The following SNTG1 variants were observed in gnomAD, a reference collection of about 807,000 sequenced individuals.
The protein encoded by SNTG1 is gamma-1-syntrophin.
A neutral mutation model predicts 74.7 loss-of-function variants in SNTG1; 39 were observed. The observed-to-expected ratio is 0.52, with a 90% CI of 0.40 to 0.68. The LOEUF (loss-of-function observed/expected upper bound fraction) is 0.68, where lower values mean the gene tolerates loss of function less well. Among genes scored for constraint, SNTG1 ranks in the 30% least tolerant of loss-of-function variants. The pLI, the probability that SNTG1 is intolerant of heterozygous loss-of-function variation, is 0.00. For synonymous variants in SNTG1, 254 were observed against 217.1 expected (o/e 1.17, Z -1.49); for missense variants, 685 against 609.5 (o/e 1.12, Z -1.30).
chr8:50,494,672 A>G (rs2625740), intron 8 of SNTG1, among the ~76,000 whole-genome samples: 89,155 of 151,958 alleles, frequency 0.59, 30,951 homozygotes, highest in Non-Finnish European at 0.77. Context: ...AAATGCTGAA[A>G]TAGTGTTTCC....
chr8:50,573,885 G>A (rs1245763710), intron 12 of SNTG1, among the ~76,000 whole-genome samples: 2 of 151,614 alleles, frequency 1.3e-5, no homozygotes, highest in East Asian at 1.9e-4. Flanking sequence ...TTAAATGTAA[G>A]GTTTCATTAA....
intron 8 of SNTG1, among the ~76,000 whole-genome samples, chr8:50,453,024 T>C (rs555680447): frequency 6.6e-6 from 1 of 152,304 alleles, no homozygotes; most frequent in East Asian, 1.9e-4. Context: ...CAGAAACAAA[T>C]TGGGCAGGTA....
chr8:50,172,011 G>C (rs2082824754), intron 1 of SNTG1, among the ~76,000 whole-genome samples: 1 of 152,166 alleles, frequency 6.6e-6, no homozygotes, highest in African/African-American at 2.4e-5. Context: ...AATGACAAAG[G>C]CAGAAGCACC....
intron 17 of SNTG1, among the ~76,000 whole-genome samples, chr8:50,731,268 G>A (rs775561782): frequency 6.6e-6 from 1 of 152,066 alleles, no homozygotes; most frequent in Non-Finnish European, 1.5e-5. Context: ...ATAAACAGGA[G>A]AGAGTGGTTT....
In SNTG1 at chr8:50,676,213, T is replaced by C. The variant is rs1008805703; in HGVS notation, c.1038+17550T>C. Among the ~76,000 whole-genome samples, 8 of 152,186 alleles carry C rather than the reference T, an allele frequency of 5.3e-5. No individual in the cohort carries two copies. The Middle Eastern group carries it at 0.01, about 194-fold the overall frequency. ...ATTGGGGAAGTTCTCCTGGATATTA[T>C]CTTGAAGTGTGTTTTTCAGCTTGTT... On this transcript the variant is annotated intron_variant, in intron 15 of 18. Transcript: ENST00000642720.
intron 1 of SNTG1, among the ~76,000 whole-genome samples, chr8:50,003,043 T>C (rs559422638): frequency 2.0e-4 from 31 of 152,244 alleles, no homozygotes; most frequent in Non-Finnish European, 3.7e-4. Context: ...GTGTGAAGAA[T>C]AGGCAAATCT....
intron 1 of SNTG1, among the ~76,000 whole-genome samples, chr8:49,953,816 G>T (rs372474503): frequency 6.6e-6 from 1 of 151,998 alleles, no homozygotes; most frequent in South Asian, 2.1e-4. Context: ...TGCAGATTCC[G>T]TTTGCTTATT....
At chr8:50,707,206 A>G (rs1429186545) in intron 16 of SNTG1, among the ~76,000 whole-genome samples, 1 of 152,092 alleles carries the variant, frequency 6.6e-6, no homozygotes, top group Non-Finnish European at 1.5e-5. Context: ...TAATAAAAAA[A>G]TTTTAATACA....
chr8:50,684,749 T>TA (rs1554610800), intron 15 of SNTG1, among the ~76,000 whole-genome samples: 4 of 151,264 alleles, frequency 2.6e-5, no homozygotes, highest in African/African-American at 7.3e-5. Context: ...TCTTTTTTTT[T>TA]ATTATACTTT....
intron 2 of SNTG1, among the ~76,000 whole-genome samples, chr8:50,313,480 G>GA (rs1291313656): frequency 1.3e-5 from 2 of 149,396 alleles, no homozygotes; most frequent in African/African-American, 5.0e-5. Context: ...ACAATCCTGT[G>GA]AAAAAATGGG....
intron 12 of SNTG1, among the ~76,000 whole-genome samples, chr8:50,588,047 G>A (rs1322312257): frequency 2.6e-5 from 4 of 151,508 alleles, no homozygotes; most frequent in Admixed American, 1.3e-4. Context: ...TTGAACCCAG[G>A]AAACGGAGGC....
At chr8:50,026,203 A>G (rs907241146) in intron 1 of SNTG1, among the ~76,000 whole-genome samples, 1 of 152,218 alleles carries the variant, frequency 6.6e-6, no homozygotes, top group Admixed American at 6.5e-5. Context: ...GATTGAGTCC[A>G]TGTATACCTT....
chr8:50,484,882 A>C (rs892653228), intron 8 of SNTG1, among the ~76,000 whole-genome samples: 2 of 152,012 alleles, frequency 1.3e-5, no homozygotes, highest in Admixed American at 1.3e-4. Context: ...AAAAAAGAAA[A>C]GAAAAAGAAA....
chr8:50,674,304 C>A (rs2095299641), intron 15 of SNTG1, among the ~76,000 whole-genome samples: 1 of 152,008 alleles, frequency 6.6e-6, no homozygotes, highest in East Asian at 1.9e-4. Context: ...TTCCCTGGTC[C>A]TGGGCTTTTT....
chr8:49,971,087 T>A (rs867290523), intron 1 of SNTG1, among the ~76,000 whole-genome samples: 6 of 152,228 alleles, frequency 3.9e-5, no homozygotes, highest in Middle Eastern at 3.4e-3. Flanking sequence ...TTTAGACCAA[T>A]ATCCCTGATG....
chr8:50,151,063 C>G (rs1290948375), intron 1 of SNTG1, among the ~76,000 whole-genome samples: 3 of 152,096 alleles, frequency 2.0e-5, no homozygotes, highest in Non-Finnish European at 4.4e-5. Context: ...GGTTGGTAGA[C>G]TATTAATTAT....
At position 50,030,023 on chromosome 8, in the gene SNTG1, G is replaced by A. The variant is rs547880650; in HGVS notation, c.-103+117792G>A. ...TCACCAGCATTTTTTATTGCTTACC[G>A]TTTAGATAAAAGCCATTTTTACTGG... On this transcript the variant is annotated intron_variant, in intron 1 of 18. Coordinates refer to ENST00000642720, the MANE Select transcript of SNTG1 (RefSeq NM_018967.5). Among the ~76,000 whole-genome samples, 23 of 151,942 alleles carry A rather than the reference G, an allele frequency of 1.5e-4. 1 individual carries two copies. The highest frequency in any genetic ancestry group is 4.3e-4 in the African/African-American group (18 of 41,464).
At chr8:50,380,400 GA>G in intron 2 of SNTG1, among the ~76,000 whole-genome samples, 1 of 152,250 alleles carries the variant, frequency 6.6e-6, no homozygotes, top group East Asian at 1.9e-4. Flanking sequence ...AAAGAGATAG[GA>G]GATAAATTTT....
At chr8:50,641,925 G>A (rs1344457989) in intron 13 of SNTG1, among the ~76,000 whole-genome samples, 3 of 152,156 alleles carry the variant, frequency 2.0e-5, no homozygotes, top group Non-Finnish European at 4.4e-5. Flanking sequence ...GTCTTAAACT[G>A]ATGAGACAGT....
Sources: allele counts gnomAD v4.1 joint callset (sites outside exome capture counted in the v4.1 genomes callset), GRCh38; gene constraint gnomAD v4.1.1; transcripts MANE v1.5; gene names NCBI Gene and HGNC (gene_info 2026-07-23, HGNC 2026-07-21).